LRRIQ3: variants seen among roughly 807,000 people sequenced by gnomAD.
LRRIQ3 encodes leucine-rich repeat and IQ domain-containing protein 3.
A neutral mutation model predicts 59.3 loss-of-function variants in LRRIQ3; 75 were observed. The observed-to-expected ratio is 1.26, with a 90% CI of 1.05 to 1.53. The LOEUF is 1.53. LRRIQ3 is among the 40% of genes most tolerant of loss of function. The pLI is 0.00. For missense variants in LRRIQ3, 831 were observed against 710.0 expected, an observed-to-expected ratio of 1.17 and a Z score of -1.94; for synonymous variants, 250 against 231.3, an observed-to-expected ratio of 1.08 and a Z score of -0.73.
chr1:74,157,262 C>T (rs1053133936), intron 3 of LRRIQ3, among the ~76,000 whole-genome samples: 6 of 151,692 alleles, frequency 4.0e-5, no homozygotes, highest in African/African-American at 1.5e-4. Context: ...AATTAACTCC[C>T]CTCCATTCTC....
In LRRIQ3 at chr1:74,113,445, G is replaced by T. The variant is rs1646731568; in HGVS notation, c.708-3892C>A. 2.0e-5 allele frequency among the ~76,000 whole-genome samples: 3 copies of T among 151,992 alleles called. No homozygotes were observed. The South Asian group carries it at 6.2e-4, about 31-fold the overall frequency. On this transcript the variant is annotated intron_variant, in intron 4 of 7. Transcript: ENST00000354431. Reference sequence around the variant, plus strand: ...CCAAGAAGTCCAATGAATGTAAAGAGGTCCACGTCCAGACACATCATAGTA... The same window carrying T: ...CCAAGAAGTCCAATGAATGTAAAGATGTCCACGTCCAGACACATCATAGTA...
intron 4 of LRRIQ3, chr1:74,144,549 TAAAAAAAA>T (rs5775227): frequency 4.3e-5 from 6 of 140,134 alleles, no homozygotes; most frequent in South Asian, 1.0e-4. Flanking sequence ...TAACAGTCTG[TAAAAAAAA>T]AAAAAAAAAA....
chr1:74,126,844 T>G (rs2100599574), intron 4 of LRRIQ3, among the ~76,000 whole-genome samples: 1 of 152,126 alleles, frequency 6.6e-6, no homozygotes, highest in Middle Eastern at 3.4e-3. Flanking sequence ...TGAAATGCTC[T>G]GTAAATATCT....
intron 4 of LRRIQ3, among the ~76,000 whole-genome samples, chr1:74,148,170 G>A (rs553219189): frequency 1.3e-5 from 2 of 152,180 alleles, no homozygotes; most frequent in African/African-American, 4.8e-5. Flanking sequence ...CTGTACATCT[G>A]GTGTTAACAG....
chr1:74,069,330 G>A (rs996758912), intron 6 of LRRIQ3, among the ~76,000 whole-genome samples: 1 of 151,894 alleles, frequency 6.6e-6, no homozygotes, highest in East Asian at 1.9e-4. Context: ...TTTCAGTCTT[G>A]TATGCCACAT....
intron 6 of LRRIQ3, among the ~76,000 whole-genome samples, chr1:74,055,945 T>C (rs562962695): frequency 4.6e-5 from 7 of 151,910 alleles, no homozygotes; most frequent in South Asian, 2.1e-4. Context: ...GTGATCAAGA[T>C]CATCCTGGCT....
chr1:74,156,669 A>T (rs547888990), intron 3 of LRRIQ3, among the ~76,000 whole-genome samples: 1 of 152,320 alleles, frequency 6.6e-6, no homozygotes, highest in East Asian at 1.9e-4. Context: ...ACTTTGATTC[A>T]TAAAATAATG....
chr1:74,068,349 T>C (rs940644618), intron 6 of LRRIQ3, among the ~76,000 whole-genome samples: 2 of 152,042 alleles, frequency 1.3e-5, no homozygotes, highest in Non-Finnish European at 2.9e-5. Flanking sequence ...ATGGAACATA[T>C]GGCCTCTAAG....
At chr1:74,132,608 A>T (rs570578205) in intron 4 of LRRIQ3, among the ~76,000 whole-genome samples, 2 of 152,304 alleles carry the variant, frequency 1.3e-5, no homozygotes, top group East Asian at 3.9e-4. Flanking sequence ...AAAACAAGAA[A>T]TGGGGAAAGA....
chr1:74,038,868 C>A (rs578222893), intron 7 of LRRIQ3, among the ~76,000 whole-genome samples: 5 of 152,212 alleles, frequency 3.3e-5, no homozygotes, highest in African/African-American at 1.2e-4. Context: ...AAGATGAGAA[C>A]GAATCAATGA....
At chr1:74,108,578 T>C (rs1646644905) in intron 5 of LRRIQ3, among the ~76,000 whole-genome samples, 1 of 151,810 alleles carries the variant, frequency 6.6e-6, no homozygotes, top group Non-Finnish European at 1.5e-5. Context: ...AATGCTAATG[T>C]AATAGAAATA....
At chr1:74,177,147 C>T (rs1179593175) in intron 3 of LRRIQ3, among the ~76,000 whole-genome samples, 1 of 152,100 alleles carries the variant, frequency 6.6e-6, no homozygotes, top group Admixed American at 6.6e-5. Flanking sequence ...TTCTGTGTTG[C>T]TGAACTTTGT....
In LRRIQ3 at chr1:74,053,753, G is replaced by T. The variant is rs1654442354; in HGVS notation, c.998-11820C>A. On this transcript the variant is annotated intron_variant, in intron 6 of 7. Coordinates refer to ENST00000354431, the MANE Select transcript of LRRIQ3 (RefSeq NM_001105659.2). Reference sequence around the variant, plus strand: ...CTTCCTTAAAGAAAATATACAGATAGCAAGAAAGTATATAAAAAGATGCTC... The same window carrying T: ...CTTCCTTAAAGAAAATATACAGATATCAAGAAAGTATATAAAAAGATGCTC... 2.0e-5 allele frequency among the ~76,000 whole-genome samples: 3 copies of T among 152,036 alleles called. No homozygotes were observed. In the South Asian group the frequency reaches 6.2e-4, roughly 32 times the overall value.
chr1:74,102,922 G>A (rs1288457633), intron 5 of LRRIQ3, among the ~76,000 whole-genome samples: 2 of 151,992 alleles, frequency 1.3e-5, no homozygotes, highest in Non-Finnish European at 2.9e-5. Flanking sequence ...TCAAAGATGG[G>A]TTTCTCCAGA....
chr1:74,157,720 A>G (rs1193649518), intron 3 of LRRIQ3, among the ~76,000 whole-genome samples: 1 of 151,986 alleles, frequency 6.6e-6, no homozygotes, highest in Non-Finnish European at 1.5e-5. Context: ...CTGCACTTTA[A>G]AAAAAACTAT....
intron 1 of LRRIQ3, among the ~76,000 whole-genome samples, chr1:74,185,782 A>C (rs1650328277): frequency 6.6e-6 from 1 of 152,090 alleles, no homozygotes; most frequent in Non-Finnish European, 1.5e-5. Context: ...TCTCTACTAA[A>C]AATACAAAAA....
intron 4 of LRRIQ3, among the ~76,000 whole-genome samples, chr1:74,115,992 A>C (rs1646771561): frequency 1.3e-5 from 2 of 152,096 alleles, no homozygotes; most frequent in African/African-American, 4.8e-5. Context: ...AACTAAAACA[A>C]TATAAATGAG....
At chr1:74,176,534 C>T (rs1407778829) in intron 3 of LRRIQ3, among the ~76,000 whole-genome samples, 3 of 152,174 alleles carry the variant, frequency 2.0e-5, no homozygotes, top group African/African-American at 7.2e-5. Flanking sequence ...ATTTCTTAAT[C>T]AGGCACCTTT....
chr1:74,164,878 G>T (rs1235485620), intron 3 of LRRIQ3, among the ~76,000 whole-genome samples: 1 of 151,480 alleles, frequency 6.6e-6, no homozygotes, highest in African/African-American at 2.4e-5. Flanking sequence ...TGGTCTTTTG[G>T]CTATGGATAC....
Sources: gnomAD v4.1 joint callset for allele counts (sites outside exome capture counted in the v4.1 genomes callset) on GRCh38, gnomAD v4.1.1 for gene constraint, MANE v1.5 for transcripts, NCBI Gene and HGNC (gene_info 2026-07-23, HGNC 2026-07-21) for gene names.